The following PCNX2 variants were observed in gnomAD, a reference collection of about 807,000 sequenced individuals.
The protein encoded by PCNX2 is pecanex-like protein 2.
PCNX2 carries 168 observed loss-of-function variants against 223.8 expected under a neutral mutation model. The ratio of observed to expected loss-of-function variants is 0.75; its 90% CI spans 0.66 to 0.85. PCNX2 has a LOEUF of 0.85. Ranked by LOEUF, PCNX2 falls within the 40% of genes least tolerant of loss-of-function variation. The pLI, the probability that PCNX2 is intolerant of heterozygous loss-of-function variation, is 0.00. For synonymous variants in PCNX2, 1,006 were observed against 1,052.6 expected (o/e 0.96, Z 0.86); for missense variants, 2,507 against 2,675.5 (o/e 0.94, Z 1.39).
chr1:233,155,627 T>C (rs1435417136), intron 19 of PCNX2, among the ~76,000 whole-genome samples: 1 of 152,224 alleles, frequency 6.6e-6, no homozygotes, highest in Non-Finnish European at 1.5e-5. Context: ...CTATTTTTAA[T>C]TCTTAAAAGC....
intron 20 of PCNX2, among the ~76,000 whole-genome samples, chr1:233,137,238 A>G (rs912207986): frequency 9.2e-5 from 14 of 152,170 alleles, no homozygotes; most frequent in African/African-American, 3.4e-4. Context: ...TTCCTCACAT[A>G]TCCCAAAGGT....
chr1:233,116,214 G>T (rs1324108754), intron 21 of PCNX2, among the ~76,000 whole-genome samples: 1 of 152,112 alleles, frequency 6.6e-6, no homozygotes, highest in Non-Finnish European at 1.5e-5. Context: ...ACAATTGACA[G>T]AATGATTAGA....
chr1:233,232,022 A>T (rs79709333), intron 9 of PCNX2, among the ~76,000 whole-genome samples: 1,847 of 152,302 alleles, frequency 0.012, 38 homozygotes, highest in African/African-American at 0.042. Context: ...CATGCACATA[A>T]CTTGTGTTCA....
chr1:233,136,915 T>C (rs1262522188), intron 20 of PCNX2, among the ~76,000 whole-genome samples: 1 of 152,202 alleles, frequency 6.6e-6, no homozygotes, highest in Non-Finnish European at 1.5e-5. Flanking sequence ...CAAATCTAAC[T>C]TTCTGTTTCT....
chr1:233,030,932 T>G (rs565030384), intron 25 of PCNX2, among the ~76,000 whole-genome samples: 185 of 152,358 alleles, frequency 1.2e-3, no homozygotes, highest in African/African-American at 4.3e-3. Flanking sequence ...TCTGGTACTC[T>G]GACCTACAAA....
rs1464082710 is a variant in PCNX2, at chr1:233,263,183, G to A, written c.154-20C>T. The A allele has an allele frequency of 6.5e-7, 1 of 1,536,984 alleles. No individual in the cohort carries two copies. Among genetic ancestry groups the A allele is most frequent in the South Asian group, 1.2e-5 (1 of 83,374 alleles). On this transcript the variant is annotated intron_variant, in intron 1 of 33. Coordinates refer to ENST00000258229, the MANE Select transcript of PCNX2 (RefSeq NM_014801.4). ...AAAAGCCTGAAGAAAGGAAAAGACA[G>A]AGAAAAATCATTTGCTTTTAAGATT...
chr1:233,133,549 A>G (rs1002166357), intron 21 of PCNX2, among the ~76,000 whole-genome samples: 1 of 152,172 alleles, frequency 6.6e-6, no homozygotes, highest in Admixed American at 6.5e-5. Context: ...ATTAGTGCCC[A>G]ATTGGAGTTA....
chr1:233,187,409 T>C (rs1413628097), intron 15 of PCNX2, among the ~76,000 whole-genome samples: 1 of 152,160 alleles, frequency 6.6e-6, no homozygotes, highest in East Asian at 1.9e-4. Flanking sequence ...CCATCACTAC[T>C]AGGGTCACAA....
chr1:233,032,797 C>T (rs1671316054), intron 25 of PCNX2, among the ~76,000 whole-genome samples: 1 of 152,116 alleles, frequency 6.6e-6, no homozygotes, highest in African/African-American at 2.4e-5. Flanking sequence ...AAACAGTTTG[C>T]CATGAAGGAT....
intron 20 of PCNX2, among the ~76,000 whole-genome samples, chr1:233,135,641 G>A (rs533569551): frequency 6.6e-6 from 1 of 152,326 alleles, no homozygotes; most frequent in Admixed American, 6.5e-5. Flanking sequence ...AGTGAGCTCA[G>A]TGTATGCCTC....
chr1:233,214,810 C>T (rs948125778), intron 12 of PCNX2, among the ~76,000 whole-genome samples: 1 of 152,120 alleles, frequency 6.6e-6, no homozygotes, highest in Non-Finnish European at 1.5e-5. Flanking sequence ...TTCTTTTGAG[C>T]CCAGGGGCTA....
At chr1:233,154,532 GA>G (rs991306087) in intron 19 of PCNX2, among the ~76,000 whole-genome samples, 3 of 152,150 alleles carry the variant, frequency 2.0e-5, no homozygotes, top group African/African-American at 7.2e-5. Context: ...TCAGCCTATA[GA>G]AAACCTTCCT....
intron 14 of PCNX2, among the ~76,000 whole-genome samples, chr1:233,199,805 C>T (rs575422122): frequency 1.2e-4 from 19 of 152,120 alleles, no homozygotes; most frequent in Non-Finnish European, 2.4e-4. Flanking sequence ...TACACACACA[C>T]ACACACACAC....
Position 233,252,442 on chromosome 1 carries a change from A to T in PCNX2, c.2040T>A (p.Ser680Arg). The T allele has an allele frequency of 1.2e-6, 2 of 1,613,770 alleles. No individual in the cohort carries two copies. The highest frequency in any genetic ancestry group is 1.7e-6 in the Non-Finnish European group (2 of 1,179,646). Residue 680 changes from serine (S) to arginine (R), a missense_variant, in exon 7 of 34, where the codon AGT becomes AGA. Ser to Arg is a moderately radical substitution (Grantham distance 110). This residue lies in a region of PCNX2 where 1,031 missense variants were observed against 1,021.7 expected (regional missense o/e 1.01). Transcript: ENST00000258229. Reference protein sequence around the residue: ...IIYRVTSQQDSSVLQVISGPE... With the variant: ...IIYRVTSQQDRSVLQVISGPE... ...GCCCACTGATGACTTGCAAGACAGA[A>T]CTATCTTGTTGGGAAGTTACCCTGT...
At chr1:232,998,982 C>T in intron 31 of PCNX2, 123 bp downstream of exon 31, 4 of 1,093,056 alleles carry the variant, frequency 3.7e-6, no homozygotes, top group Non-Finnish European at 5.1e-6. Context: ...TTGGGGGTAG[C>T]AGTTTTAATC....
At position 233,241,225 on chromosome 1, in the gene PCNX2, C is replaced by G. The variant is rs1441282229; in HGVS notation, c.2223-4245G>C. ...AGTATCGGAGAAAAAGGCAGCAACA[C>G]CGTGGAAGTGAGGCAAGGCTGGGAG... On this transcript the variant is annotated intron_variant, in intron 8 of 33. Coordinates refer to ENST00000258229, the MANE Select transcript of PCNX2 (RefSeq NM_014801.4). 3.0e-6 allele frequency: 3 copies of G among 985,260 alleles called. No homozygotes were observed. The African/African-American group carries it at 5.2e-5, about 17-fold the overall frequency. 61.0% of individuals were successfully genotyped at this position (985,260 alleles called of 1,614,324 possible).
At chr1:233,171,792 C>A (rs1243204089) in intron 17 of PCNX2, among the ~76,000 whole-genome samples, 1 of 152,174 alleles carries the variant, frequency 6.6e-6, no homozygotes, top group Non-Finnish European at 1.5e-5. Flanking sequence ...GTCTCTCTCT[C>A]TTTTTCAAGG....
chr1:233,122,109 G>C (rs1021853109), intron 21 of PCNX2, among the ~76,000 whole-genome samples: 10 of 112,864 alleles, frequency 8.9e-5, no homozygotes, highest in African/African-American at 1.8e-4. Flanking sequence ...CACACACACA[G>C]AGGGAGAGAG....
At chr1:233,007,926 A>T (rs944018032) in intron 28 of PCNX2, among the ~76,000 whole-genome samples, 4 of 151,870 alleles carry the variant, frequency 2.6e-5, no homozygotes, top group African/African-American at 9.7e-5. Flanking sequence ...AGATCCACCC[A>T]CCTCAGCCTC....
Sources: gnomAD v4.1 joint callset for allele counts (sites outside exome capture counted in the v4.1 genomes callset) on GRCh38, gnomAD v4.1.1 for gene constraint, gnomAD v4.1.1 regional missense constraint, MANE v1.5 for transcripts, NCBI Gene and HGNC (gene_info 2026-07-23, HGNC 2026-07-21) for gene names.